Variants in GABRG3 observed in about 807,000 individuals in gnomAD.
GABRG3 encodes the protein gamma-aminobutyric acid receptor subunit gamma-3.
A neutral mutation model predicts 48.8 loss-of-function variants in GABRG3; 25 were observed. The observed-to-expected ratio is 0.51, with a 90% CI of 0.37 to 0.72. GABRG3 has a LOEUF of 0.72. Ranked by LOEUF, GABRG3 falls within the 30% of genes least tolerant of loss-of-function variation. The pLI, the probability that GABRG3 is intolerant of heterozygous loss-of-function variation, is 0.00. For synonymous variants in GABRG3, 227 were observed against 217.6 expected (o/e 1.04, Z -0.38); for missense variants, 394 against 577.9 (o/e 0.68, Z 3.26).
At chr15:27,371,028 C>T (rs753749205) in intron 5 of GABRG3, among the ~76,000 whole-genome samples, 9 of 152,182 alleles carry the variant, frequency 5.9e-5, no homozygotes, top group African/African-American at 1.2e-4. Flanking sequence ...TGTTGAATTT[C>T]GAAGTGACTT....
At chr15:27,206,603 C>T (rs1163289108) in intron 3 of GABRG3, among the ~76,000 whole-genome samples, 2 of 152,092 alleles carry the variant, frequency 1.3e-5, no homozygotes, top group African/African-American at 4.8e-5. Context: ...CCGAGATCTT[C>T]GTTAGTATTC....
At chr15:27,307,848 T>TGTTTATATATAAATATATATAAAATAAAC (rs1892712014) in intron 3 of GABRG3, among the ~76,000 whole-genome samples, 1 of 136,180 alleles carries the variant, frequency 7.3e-6, no homozygotes, top group Non-Finnish European at 1.5e-5. Flanking sequence ...AAAATAAACA[T>TGTTTATATATAAATATATATAAAATAAAC]GTTTATATAT....
chr15:27,263,790 T>C (rs995747793), intron 3 of GABRG3, among the ~76,000 whole-genome samples: 3 of 151,866 alleles, frequency 2.0e-5, no homozygotes, highest in African/African-American at 4.8e-5. Flanking sequence ...TAAATTGCAG[T>C]GGTAAAACGC....
intron 2 of GABRG3, among the ~76,000 whole-genome samples, chr15:27,019,161 C>T (rs931355580): frequency 4.9e-5 from 7 of 142,742 alleles, no homozygotes; most frequent in African/African-American, 7.8e-5. Context: ...CTCTGCCTCC[C>T]GGGTTCACGC....
intron 2 of GABRG3, among the ~76,000 whole-genome samples, chr15:26,997,677 C>A (rs1008135212): frequency 6.6e-6 from 1 of 152,136 alleles, no homozygotes; most frequent in Non-Finnish European, 1.5e-5. Context: ...GCTTATTGAC[C>A]AATGTTTGTC....
chr15:27,293,983 CAAAAT>C (rs1368385871), intron 3 of GABRG3, among the ~76,000 whole-genome samples: 1 of 151,920 alleles, frequency 6.6e-6, no homozygotes, highest in Admixed American at 6.6e-5. Context: ...AATGGTAAAA[CAAAAT>C]AAGCAGAATT....
chr15:27,389,934 C>T (rs1034921830), intron 5 of GABRG3, among the ~76,000 whole-genome samples: 2 of 152,272 alleles, frequency 1.3e-5, no homozygotes, highest in South Asian at 4.1e-4. Flanking sequence ...AGGAAATAGG[C>T]AAATAATTAT....
At chr15:27,247,117 G>T (rs936667287) in intron 3 of GABRG3, among the ~76,000 whole-genome samples, 3 of 152,248 alleles carry the variant, frequency 2.0e-5, no homozygotes, top group Admixed American at 1.3e-4. Context: ...TTTTAAATTT[G>T]TATGTAGAGA....
chr15:27,344,164 G>A (rs1467633428), intron 5 of GABRG3, among the ~76,000 whole-genome samples: 1 of 152,200 alleles, frequency 6.6e-6, no homozygotes, highest in East Asian at 1.9e-4. Flanking sequence ...GGTCTGGGGA[G>A]TGAGGAGCAG....
chr15:27,388,244 GGA>G (rs1896063731), intron 5 of GABRG3, among the ~76,000 whole-genome samples: 1 of 23,602 alleles, frequency 4.2e-5, no homozygotes, highest in African/African-American at 1.8e-4. Context: ...GAGGGAGGGA[GGA>G]AAGGAAGGAA....
At chr15:27,440,209 TA>T (rs1282478790) in intron 5 of GABRG3, among the ~76,000 whole-genome samples, 1 of 152,122 alleles carries the variant, frequency 6.6e-6, no homozygotes, top group Non-Finnish European at 1.5e-5. Context: ...TCTTAACTCA[TA>T]GAATAACCAT....
rs1449622259 is a variant in GABRG3 at position 27,537,070 on chromosome 15, T to C, written c.*4189T>C. The C allele has an allele frequency of 1.3e-5, 2 of 151,578 alleles. No homozygotes were observed. Among genetic ancestry groups the C allele is most frequent in the Admixed American group, 1.3e-4 (2 of 15,220 alleles). The allele number at this position is 151,578 out of a possible 1,614,324, so 9.4% of individuals were successfully genotyped here. A position where few individuals can be genotyped will look rare whatever the true frequency, so the allele number is the denominator to read the frequency against. ...TGATCTTGCAACTCTTTTTGAGTGC[T>C]TTTCCTGAGCGATTTTAAACTCTAC... On this transcript the variant is annotated 3_prime_UTR_variant, in exon 10 of 10. Transcript: ENST00000615808.
In GABRG3 at chr15:27,533,375, G is replaced by A. The variant is rs1436064641; in HGVS notation, c.*494G>A. 2 of 156,948 alleles carry A rather than the reference G, an allele frequency of 1.3e-5. No homozygotes were observed. Among genetic ancestry groups the A allele is most frequent in the East Asian group, 3.8e-4 (2 of 5,270 alleles). The allele number at this position is 156,948 out of a possible 1,614,324, so 9.7% of individuals were successfully genotyped here. On this transcript the variant is annotated 3_prime_UTR_variant, in exon 10 of 10. Coordinates refer to ENST00000615808, the MANE Select transcript of GABRG3 (RefSeq NM_033223.5). ...TGTGTGCTCCAGTGTGAACAGCAGT[G>A]GGTTCCAACCCCAGTCTCCTTTCTC...
intron 3 of GABRG3, among the ~76,000 whole-genome samples, chr15:27,086,964 T>G (rs1897087290): frequency 6.6e-6 from 1 of 152,194 alleles, no homozygotes; most frequent in African/African-American, 2.4e-5. Flanking sequence ...GAGCCCAGAC[T>G]TCCGTTTCCA....
chr15:27,485,129 C>T (rs1479708154), intron 6 of GABRG3, among the ~76,000 whole-genome samples: 3 of 152,138 alleles, frequency 2.0e-5, no homozygotes, highest in Admixed American at 2.0e-4. Flanking sequence ...GCCACGTGAT[C>T]GGTGAACATG....
At chr15:27,433,117 T>C (rs577513957) in intron 5 of GABRG3, among the ~76,000 whole-genome samples, 12 of 152,234 alleles carry the variant, frequency 7.9e-5, no homozygotes, top group African/African-American at 2.9e-4. Flanking sequence ...GTGACCATAT[T>C]GGTACTCAAA....
At chr15:27,013,415 C>T (rs180797322) in intron 2 of GABRG3, among the ~76,000 whole-genome samples, 2 of 152,144 alleles carry the variant, frequency 1.3e-5, no homozygotes, top group East Asian at 3.9e-4. Context: ...GTTTCCTGAG[C>T]TTTTACTGTC....
chr15:27,439,210 A>G (rs138087042), intron 5 of GABRG3, among the ~76,000 whole-genome samples: 1 of 152,218 alleles, frequency 6.6e-6, no homozygotes, highest in African/African-American at 2.4e-5. Context: ...GGTAATCACA[A>G]TACTCCCCCA....
chr15:27,384,801 A>T (rs952609701), intron 5 of GABRG3, among the ~76,000 whole-genome samples: 2 of 152,180 alleles, frequency 1.3e-5, no homozygotes, highest in African/African-American at 4.8e-5. Context: ...AACTTTCAAT[A>T]TGTGGTATTT....
Sources: allele counts gnomAD v4.1 joint callset (sites outside exome capture counted in the v4.1 genomes callset), GRCh38; gene constraint gnomAD v4.1.1; transcripts MANE v1.5; gene names NCBI Gene and HGNC (gene_info 2026-07-23, HGNC 2026-07-21).